The following FARSB variants were observed in gnomAD, a reference collection of about 807,000 sequenced individuals.
FARSB encodes the protein phenylalanine--tRNA ligase beta subunit.
In FARSB, 40 loss-of-function variants were observed where a neutral mutation model predicts 69.6. That is an observed-to-expected ratio of 0.57 (90% CI 0.45 to 0.75). FARSB has a LOEUF of 0.75. FARSB is among the 30% of genes least tolerant of loss of function. The pLI is 0.00. For synonymous variants in FARSB, 235 were observed against 247.2 expected (o/e 0.95, Z 0.46); for missense variants, 632 against 722.9 (o/e 0.87, Z 1.44).
chr2:222,605,567 T>C (rs1432884814), intron 15 of FARSB, among the ~76,000 whole-genome samples: 1 of 152,198 alleles, frequency 6.6e-6, no homozygotes, highest in Non-Finnish European at 1.5e-5. Context: ...AAATTTAGAA[T>C]TTTAAAAAAC....
chr2:222,608,573 C>G (rs1407898462), intron 15 of FARSB, among the ~76,000 whole-genome samples: 1 of 151,914 alleles, frequency 6.6e-6, no homozygotes, highest in East Asian at 1.9e-4. Flanking sequence ...GAGAAAGGAA[C>G]AAGAATCTTA....
chr2:222,655,646 T>C (rs1692154600), intron 1 of FARSB, among the ~76,000 whole-genome samples: 1 of 152,152 alleles, frequency 6.6e-6, no homozygotes, highest in Non-Finnish European at 1.5e-5. Flanking sequence ...TCCTACCCCC[T>C]TATAAACTGA....
chr2:222,626,006 G>A (rs1257949752), intron 10 of FARSB, among the ~76,000 whole-genome samples: 1 of 152,156 alleles, frequency 6.6e-6, no homozygotes, highest in African/African-American at 2.4e-5. Context: ...CAACACTTTG[G>A]GAGGCCGAGG....
At chr2:222,640,993 A>T in intron 3 of FARSB, 62 bp from the exon 4 acceptor site, 1 of 851,228 alleles carries the variant, frequency 1.2e-6, no homozygotes, top group South Asian at 1.7e-5. Context: ...AAATAATTAC[A>T]TTCTATGCTG....
At chr2:222,647,670 C>T (rs541620442) in intron 2 of FARSB, among the ~76,000 whole-genome samples, 28 of 152,338 alleles carry the variant, frequency 1.8e-4, no homozygotes, top group African/African-American at 6.3e-4. Flanking sequence ...GAGGCTGAGG[C>T]AGGAGAATCG....
intron 7 of FARSB, 142 bp from the exon 8 acceptor site, chr2:222,631,816 A>T: frequency 1.6e-6 from 1 of 610,116 alleles, no homozygotes; most frequent in East Asian, 3.0e-5. Context: ...GGTGGCTCAC[A>T]CCCACCAGCA....
intron 14 of FARSB, among the ~76,000 whole-genome samples, chr2:222,619,034 T>C (rs1006768706): frequency 6.6e-6 from 1 of 151,062 alleles, no homozygotes; most frequent in Non-Finnish European, 1.5e-5. Context: ...CCCAGCTACT[T>C]GGGAGGCTGA....
intron 16 of FARSB, among the ~76,000 whole-genome samples, chr2:222,578,842 C>T (rs970357584): frequency 4.0e-5 from 6 of 151,862 alleles, no homozygotes; most frequent in Non-Finnish European, 7.4e-5. Context: ...ATTAGCCAGG[C>T]GTGACGGTGG....
intron 16 of FARSB, among the ~76,000 whole-genome samples, chr2:222,575,807 T>C (rs1689825380): frequency 6.6e-6 from 1 of 152,200 alleles, no homozygotes; most frequent in Non-Finnish European, 1.5e-5. Flanking sequence ...ATTGTCTCTG[T>C]GCTCAGACGG....
intron 7 of FARSB, 43 bp downstream of exon 7, chr2:222,633,156 A>G: frequency 1.0e-6 from 1 of 972,438 alleles, no homozygotes; most frequent in Non-Finnish European, 1.7e-6. Context: ...CTGAAGATTA[A>G]AAGGAAACAG....
chr2:222,588,581 C>T (rs1297112546), intron 16 of FARSB, among the ~76,000 whole-genome samples: 2 of 152,210 alleles, frequency 1.3e-5, no homozygotes, highest in South Asian at 4.1e-4. Flanking sequence ...TCCCTGTTTG[C>T]AGATGACATG....
intron 6 of FARSB, among the ~76,000 whole-genome samples, chr2:222,633,800 AATG>A (rs1171720969): frequency 6.6e-6 from 1 of 152,214 alleles, no homozygotes; most frequent in Admixed American, 6.5e-5. Context: ...TCCAGTATTC[AATG>A]AACACAATTG....
At chr2:222,586,510 A>C (rs182131583) in intron 16 of FARSB, among the ~76,000 whole-genome samples, 2 of 152,328 alleles carry the variant, frequency 1.3e-5, no homozygotes, top group African/African-American at 2.4e-5. Flanking sequence ...ACACATAATA[A>C]TATTAACCTT....
intron 14 of FARSB, among the ~76,000 whole-genome samples, chr2:222,617,564 G>C (rs1259247908): frequency 6.6e-6 from 1 of 152,292 alleles, no homozygotes; most frequent in Non-Finnish European, 1.5e-5. Context: ...TTAGACCCAC[G>C]CATGTACTAA....
chr2:222,642,984 T>C lies in FARSB; in HGVS notation c.136A>G (p.Ser46Gly). The C allele has an allele frequency of 6.2e-7, 1 of 1,600,606 alleles. No homozygotes were observed. The highest frequency in any genetic ancestry group is 8.5e-7 in the Non-Finnish European group (1 of 1,172,828). Residue 46 changes from serine (S) to glycine (G), a missense_variant, in exon 3 of 17, where the codon AGT becomes GGT. Physicochemically the swap from Ser to Gly is moderately conservative, Grantham distance 56. Coordinates refer to ENST00000281828, the MANE Select transcript of FARSB (RefSeq NM_005687.5). ...DEITSEKEII[S>G]KEQGNVKAAG... Reference sequence around the variant, plus strand: ...GCCTTTACATTACCTTGTTCTTTACTTATTATTTCCTTCTCAGATGTCTAA... The same window carrying C: ...GCCTTTACATTACCTTGTTCTTTACCTATTATTTCCTTCTCAGATGTCTAA...
In FARSB at chr2:222,648,746, A is replaced by C; in HGVS notation, c.108T>G (p.Asp36Glu). Residue 36 changes from aspartate to glutamate, a missense_variant, in exon 2 of 17, where the codon GAT becomes GAG. Asp to Glu is a conservative substitution (Grantham distance 45). Coordinates refer to ENST00000281828, the MANE Select transcript of FARSB (RefSeq NM_005687.5). ...ACAAATATCCAATACATACAATTTC[A>C]TCAAGCTCCAGACCAAATTCAAAAC... ...ELCFEFGLEL[D>E]EITSEKEIIS... is the part of the protein sequence containing the mutation. 6.3e-7 allele frequency: 1 copy of C among 1,590,120 alleles called. No individual in the cohort carries two copies. Among genetic ancestry groups the C allele is most frequent in the Non-Finnish European group, 8.6e-7 (1 of 1,158,236 alleles).
chr2:222,646,319 A>G (rs1424163662), intron 2 of FARSB, among the ~76,000 whole-genome samples: 1 of 149,706 alleles, frequency 6.7e-6, no homozygotes, highest in Non-Finnish European at 1.5e-5. Context: ...AACAGCTGGG[A>G]GCAGATAAAA....
chr2:222,641,333 C>G (rs970148759), intron 3 of FARSB, among the ~76,000 whole-genome samples: 4 of 152,156 alleles, frequency 2.6e-5, no homozygotes, highest in African/African-American at 9.7e-5. Flanking sequence ...ATGGAAAATA[C>G]AGATTCCCTG....
At chr2:222,606,571 A>G (rs1233373342) in intron 15 of FARSB, among the ~76,000 whole-genome samples, 2 of 152,224 alleles carry the variant, frequency 1.3e-5, no homozygotes, top group African/African-American at 4.8e-5. Context: ...TACTGCCTGG[A>G]GAGGGCTGAT....
Sources: gnomAD v4.1 joint callset for allele counts (sites outside exome capture counted in the v4.1 genomes callset) on GRCh38, gnomAD v4.1.1 for gene constraint, MANE v1.5 for transcripts, NCBI Gene and HGNC (gene_info 2026-07-23, HGNC 2026-07-21) for gene names.